Variants in SGCD observed in about 807,000 individuals in gnomAD.
SGCD encodes sarcoglycan delta, also known as delta-sarcoglycan.
SGCD carries 18 observed loss-of-function variants against 36.6 expected under a neutral mutation model. The ratio of observed to expected loss-of-function variants is 0.49; its 90% CI spans 0.34 to 0.73. The LOEUF (loss-of-function observed/expected upper bound fraction) is 0.73, where lower values mean the gene tolerates loss of function less well. SGCD is among the 30% of genes least tolerant of loss of function. The pLI, the probability that SGCD is intolerant of heterozygous loss-of-function variation, is 0.01. For missense variants in SGCD, 387 were observed against 346.7 expected, an observed-to-expected ratio of 1.12 and a Z score of -0.92; for synonymous variants, 133 against 130.6, an observed-to-expected ratio of 1.02 and a Z score of -0.12.
intron 6 of SGCD, among the ~76,000 whole-genome samples, chr5:156,616,965 G>A (rs78787033): frequency 0.052 from 7,867 of 152,078 alleles, 669 homozygotes; most frequent in African/African-American, 0.18. Context: ...CTACTATCTG[G>A]CCCTTTACAA....
chr5:156,300,348 A>T (rs534934324), intron 3 of SGCD, among the ~76,000 whole-genome samples: 2 of 151,810 alleles, frequency 1.3e-5, no homozygotes, highest in African/African-American at 2.4e-5. Flanking sequence ...AAATTTTTCA[A>T]TTTCCCTCTA....
intron 1 of SGCD, among the ~76,000 whole-genome samples, chr5:156,033,611 A>G (rs891487324): frequency 1.3e-5 from 2 of 152,222 alleles, no homozygotes; most frequent in African/African-American, 4.8e-5. Context: ...AAAGTCATCC[A>G]GTTAAACTCT....
intron 4 of SGCD, among the ~76,000 whole-genome samples, chr5:156,543,315 A>G (rs778103612): frequency 6.6e-6 from 1 of 152,172 alleles, no homozygotes; most frequent in Non-Finnish European, 1.5e-5. Flanking sequence ...CCACTGATCT[A>G]GATAAAGAAA....
In SGCD at chr5:156,734,366, A is replaced by AT. The variant is rs34311983; in HGVS notation, c.576-23211dup. 2.3e-3 allele frequency among the ~76,000 whole-genome samples: 337 copies of AT among 149,482 alleles called. 2 individuals carry two copies. Among genetic ancestry groups the AT allele is most frequent in the African/African-American group, 8.1e-3 (327 of 40,572 alleles). ...CTGATGATTATGTGTCTTAGGGATG[A>AT]TTTTCTCATGGAAAATCTTACTGGA... On this transcript the variant is annotated intron_variant, in intron 7 of 8. Transcript: ENST00000337851.
Position 156,149,461 on chromosome 5 carries a change from A to G in SGCD, c.-44+25442A>G, listed in dbSNP as rs1254286988. Among the ~76,000 whole-genome samples, 6 of 152,196 alleles carry G rather than the reference A, an allele frequency of 3.9e-5. No individual in the cohort carries two copies. In the East Asian group the frequency reaches 1.2e-3, roughly 29 times the overall value. ...CAGATGCTTCTTTGCATCATCCCTG[A>G]ACTAATGTTTTCAGCTTATCTCAGG... is the stretch of plus-strand genomic sequence containing the variant. On this transcript the variant is annotated intron_variant, in intron 3 of 9. Coordinates refer to the SGCD transcript ENST00000517913.
the SGCD span, among the ~76,000 whole-genome samples, chr5:155,737,394 A>G: frequency 0.011 from 1,627 of 152,328 alleles, 14 homozygotes; most frequent in Non-Finnish European, 0.018. Context: ...TGGAGACACA[A>G]TATATTCACC....
At chr5:156,749,716 G>GCTAA (rs1198108709) in intron 7 of SGCD, among the ~76,000 whole-genome samples, 4 of 151,754 alleles carry the variant, frequency 2.6e-5, no homozygotes, top group Non-Finnish European at 5.9e-5. Flanking sequence ...GAAAAAAAAA[G>GCTAA]CTAACTTACA....
At chr5:156,461,546 A>C (rs1754489509) in intron 3 of SGCD, among the ~76,000 whole-genome samples, 1 of 152,160 alleles carries the variant, frequency 6.6e-6, no homozygotes, top group Non-Finnish European at 1.5e-5. Context: ...CTTTCAGGCT[A>C]TAAATTAGTT....
At chr5:156,243,040 A>C (rs1489081759) in intron 3 of SGCD, among the ~76,000 whole-genome samples, 1 of 152,220 alleles carries the variant, frequency 6.6e-6, no homozygotes, top group African/African-American at 2.4e-5. Flanking sequence ...AGGGTGGTGC[A>C]TGAGAAGATG....
chr5:156,594,905 A>G (rs1225639659), intron 5 of SGCD, 27 bp from the exon 6 acceptor site: 10 of 1,438,862 alleles, frequency 6.9e-6, no homozygotes, highest in East Asian at 6.9e-5. Context: ...TCTCCTCTCT[A>G]TCTCTCTATC....
chr5:156,622,417 G>C (rs1257105421), intron 6 of SGCD, among the ~76,000 whole-genome samples: 1 of 144,406 alleles, frequency 6.9e-6, no homozygotes, highest in Non-Finnish European at 1.5e-5. Context: ...TGGGTGACAG[G>C]GCAAGACTCT....
intron 1 of SGCD, among the ~76,000 whole-genome samples, chr5:156,093,679 G>A: frequency 6.6e-6 from 1 of 152,112 alleles, no homozygotes. Flanking sequence ...GCAGGATCAG[G>A]ATTATTATTT....
intron 3 of SGCD, among the ~76,000 whole-genome samples, chr5:156,410,978 C>G (rs548276020): frequency 6.6e-6 from 1 of 152,072 alleles, no homozygotes; most frequent in South Asian, 2.1e-4. Context: ...TTATACTAGT[C>G]TGTAATTGGG....
the SGCD span, among the ~76,000 whole-genome samples, chr5:155,802,322 G>T: frequency 2.0e-5 from 3 of 152,188 alleles, no homozygotes; most frequent in East Asian, 5.8e-4. Flanking sequence ...GTTCCTGATG[G>T]TTTTTTGGTT....
At chr5:155,915,961 A>G (rs1756725986) in intron 1 of SGCD, among the ~76,000 whole-genome samples, 1 of 152,168 alleles carries the variant, frequency 6.6e-6, no homozygotes, top group South Asian at 2.1e-4. Context: ...TTCCTTTTGA[A>G]GTTAAGCAGT....
intron 1 of SGCD, among the ~76,000 whole-genome samples, chr5:156,078,835 T>C (rs1462235042): frequency 6.6e-6 from 1 of 150,806 alleles, no homozygotes; most frequent in Non-Finnish European, 1.5e-5. Flanking sequence ...TTTGCAGTTT[T>C]ACTTACACTT....
intron 7 of SGCD, among the ~76,000 whole-genome samples, chr5:156,744,856 C>T (rs773924546): frequency 1.6e-4 from 25 of 152,150 alleles, no homozygotes; most frequent in East Asian, 3.9e-4. Flanking sequence ...TGTCAAGTTC[C>T]GTAATCTTTT....
chr5:156,444,459 A>G (rs905339194), intron 3 of SGCD, among the ~76,000 whole-genome samples: 3 of 152,094 alleles, frequency 2.0e-5, no homozygotes, highest in African/African-American at 7.2e-5. Context: ...TGCACTTTCA[A>G]AACTGGGTCT....
chr5:156,594,839 G>C, intron 5 of SGCD, 93 bp from the exon 6 acceptor site: 1 of 824,274 alleles, frequency 1.2e-6, no homozygotes, highest in South Asian at 1.6e-5. Flanking sequence ...TCTATGAAAA[G>C]CTTTTTGTAG....
Sources: allele counts gnomAD v4.1 joint callset (sites outside exome capture counted in the v4.1 genomes callset), GRCh38; gene constraint gnomAD v4.1.1; transcripts MANE v1.5; gene names NCBI Gene and HGNC (gene_info 2026-07-23, HGNC 2026-07-21).